Variants in ZDHHC2 observed in about 807,000 individuals in gnomAD.
The protein encoded by ZDHHC2 is palmitoyltransferase ZDHHC2.
ZDHHC2 carries 51 observed loss-of-function variants against 55.6 expected under a neutral mutation model. The ratio of observed to expected loss-of-function variants is 0.92; its 90% confidence interval spans 0.73 to 1.16. The LOEUF (loss-of-function observed/expected upper bound fraction) is 1.16. Ranked by LOEUF, ZDHHC2 falls within the 50% of genes most tolerant of loss-of-function variation. ZDHHC2 has a pLI of 0.00. For synonymous variants in ZDHHC2, 199 were observed against 152.9 expected, an observed-to-expected ratio of 1.30 and a Z score of -2.22; for missense variants, 491 against 442.4, an observed-to-expected ratio of 1.11 and a Z score of -0.99.
intron 1 of ZDHHC2, among the ~76,000 whole-genome samples, chr8:17,170,093 G>A (rs1223223740): frequency 6.6e-6 from 1 of 152,206 alleles, no homozygotes; most frequent in Admixed American, 6.5e-5. Context: ...GTAGGTGAAT[G>A]CAGTGTTGGG....
intron 3 of ZDHHC2, among the ~76,000 whole-genome samples, chr8:17,187,041 G>A (rs947807533): frequency 6.6e-6 from 1 of 152,318 alleles, no homozygotes; most frequent in Admixed American, 6.5e-5. Flanking sequence ...ACACTTTCTA[G>A]ACATTGCTGA....
chr8:17,184,108 T>C (rs1805577443), intron 1 of ZDHHC2, among the ~76,000 whole-genome samples: 1 of 152,094 alleles, frequency 6.6e-6, no homozygotes, highest in Non-Finnish European at 1.5e-5. Context: ...GGAAAACAAA[T>C]AGACAATACA....
chr8:17,208,965 C>T, intron 8 of ZDHHC2, among the ~76,000 whole-genome samples: 1 of 152,114 alleles, frequency 6.6e-6, no homozygotes, highest in East Asian at 1.9e-4. Context: ...CAAATGACCA[C>T]ATTTTTTCAT....
At chr8:17,189,625 T>C (rs2023628) in intron 3 of ZDHHC2, among the ~76,000 whole-genome samples, 99,095 of 151,996 alleles carry the variant, frequency 0.65, 33,412 homozygotes, top group Admixed American at 0.74. Context: ...ATATATGACA[T>C]CATTGGCTAA....
intron 1 of ZDHHC2, among the ~76,000 whole-genome samples, chr8:17,159,472 C>T (rs1057193158): frequency 5.3e-5 from 8 of 152,140 alleles, no homozygotes; most frequent in Non-Finnish European, 1.0e-4. Flanking sequence ...ATTCTGTGCC[C>T]TTTGCTGAAT....
chr8:17,196,156 A>T (rs558211682), intron 4 of ZDHHC2, among the ~76,000 whole-genome samples: 1 of 152,246 alleles, frequency 6.6e-6, no homozygotes, highest in East Asian at 1.9e-4. Flanking sequence ...ATTTTAAGGT[A>T]ATTTGACAAC....
chr8:17,180,783 C>T (rs1017205680), intron 1 of ZDHHC2, among the ~76,000 whole-genome samples: 4 of 152,134 alleles, frequency 2.6e-5, no homozygotes, highest in Admixed American at 2.0e-4. Flanking sequence ...CCAGCCATTG[C>T]TCTTTGGTGC....
chr8:17,167,801 T>C (rs1804678257), intron 1 of ZDHHC2, among the ~76,000 whole-genome samples: 1 of 152,018 alleles, frequency 6.6e-6, no homozygotes, highest in Non-Finnish European at 1.5e-5. Context: ...ATAAGAACAA[T>C]TTAGAATGTA....
intron 9 of ZDHHC2, 93 bp from the exon 10 acceptor site, chr8:17,210,295 A>T: frequency 7.6e-7 from 1 of 1,312,754 alleles, no homozygotes; most frequent in Non-Finnish European, 1.1e-6. Flanking sequence ...CCTAGAGTAT[A>T]GCATGTTCTG....
At chr8:17,161,228 A>G (rs1804328512) in intron 1 of ZDHHC2, among the ~76,000 whole-genome samples, 1 of 152,206 alleles carries the variant, frequency 6.6e-6, no homozygotes. Context: ...GTTTTCCACC[A>G]TGAAATGAAT....
chr8:17,184,729 G>C, intron 1 of ZDHHC2, 60 bp from the exon 2 acceptor site: 1 of 1,409,412 alleles, frequency 7.1e-7, no homozygotes, highest in Non-Finnish European at 9.6e-7. Flanking sequence ...CCTTATGTCT[G>C]TGTCAAGCCC....
At position 17,207,605 on chromosome 8, in the gene ZDHHC2, A is replaced by ATGT. The variant is rs1380628081; in HGVS notation, c.598-355_598-354insTGT. On this transcript the variant is annotated intron_variant, in intron 7 of 12. Coordinates refer to ENST00000262096, the MANE Select transcript of ZDHHC2 (RefSeq NM_016353.5). ...AACGTTTGTGATTCTGTAGTATGTT[A>ATGT]ACAAAACATACTCCGTTAATAAATT... is the stretch of plus-strand genomic sequence containing the variant. Among the ~76,000 whole-genome samples the ATGT allele has an allele frequency of 2.6e-5, 4 of 152,176 alleles. No homozygotes were observed. The East Asian group carries it at 7.7e-4, about 29-fold the overall frequency.
intron 1 of ZDHHC2, among the ~76,000 whole-genome samples, chr8:17,173,416 C>G (rs1172166802): frequency 1.3e-5 from 2 of 152,064 alleles, no homozygotes; most frequent in African/African-American, 2.4e-5. Context: ...TGGCTCATGC[C>G]TGTCATCCCA....
rs763059476 is a variant in ZDHHC2, at chr8:17,199,526, CGTCTTCT to C, written c.476+1120_476+1126del. 4.3e-3 allele frequency among the ~76,000 whole-genome samples: 151 copies of C among 35,340 alleles called. 12 individuals are homozygous for C. Among genetic ancestry groups the C allele is most frequent in the African/African-American group, 6.7e-3 (108 of 16,048 alleles). 23.2% of individuals were successfully genotyped at this position (35,340 alleles called of 152,430 possible). A position where few individuals can be genotyped will look rare whatever the true frequency, so the allele number is the denominator to read the frequency against. ...TCTTCTTCTTCTTCGTCTTCGTCTT[CGTCTTCT>C]GTCTTCGTCTTCTGTCTTCGTCTTC... On this transcript the variant is annotated intron_variant, in intron 6 of 12. Coordinates refer to ENST00000262096, the MANE Select transcript of ZDHHC2 (RefSeq NM_016353.5).
chr8:17,168,896 C>G (rs989169413), intron 1 of ZDHHC2, among the ~76,000 whole-genome samples: 1 of 152,066 alleles, frequency 6.6e-6, no homozygotes, highest in Non-Finnish European at 1.5e-5. Context: ...AATAATATTT[C>G]GTGGCATGTA....
chr8:17,165,867 G>T (rs918874889), intron 1 of ZDHHC2, among the ~76,000 whole-genome samples: 1 of 152,156 alleles, frequency 6.6e-6, no homozygotes, highest in Admixed American at 6.5e-5. Flanking sequence ...AACCATGCGG[G>T]TATTGTGGAG....
At chr8:17,214,769 A>T (rs1458045673) in intron 10 of ZDHHC2, among the ~76,000 whole-genome samples, 2 of 151,846 alleles carry the variant, frequency 1.3e-5, no homozygotes, top group African/African-American at 2.4e-5. Context: ...TAATTAGCTG[A>T]GGGTGGTGGT....
chr8:17,197,608 C>G lies in ZDHHC2; in HGVS notation c.400C>G (p.Leu134Val). The G allele has an allele frequency of 1.2e-6, 2 of 1,613,766 alleles. No individual in the cohort carries two copies. The highest frequency in any genetic ancestry group is 1.7e-6 in the Non-Finnish European group (2 of 1,179,706). The change falls in exon 5 of 13, where the codon CTT (leucine) becomes GTT (valine). Residue 134 changes from leucine to valine, a missense_variant. Leu to Val is a conservative substitution (Grantham distance 32). Transcript: ENST00000262096. ...GAIRYCDRCQ[L>V]IKPDRCHHCS... is the part of the protein sequence containing the mutation. ...CATCCGATACTGTGACAGATGCCAA[C>G]TTATAAAACCAGATCGCTGCCATCA...
chr8:17,206,027 C>T (rs1807087009), intron 7 of ZDHHC2, among the ~76,000 whole-genome samples: 1 of 152,180 alleles, frequency 6.6e-6, no homozygotes, highest in Non-Finnish European at 1.5e-5. Context: ...CCCCCATGCC[C>T]ATTCCCAGTT....
Sources: allele counts gnomAD v4.1 joint callset (sites outside exome capture counted in the v4.1 genomes callset), GRCh38; gene constraint gnomAD v4.1.1; transcripts MANE v1.5; gene names NCBI Gene and HGNC (gene_info 2026-07-23, HGNC 2026-07-21).